Variants in RBFOX1 observed in about 807,000 individuals in gnomAD.
The protein encoded by RBFOX1 is RNA binding protein fox-1 homolog 1.
A neutral mutation model predicts 57.7 loss-of-function variants in RBFOX1; 8 were observed. That is an observed-to-expected ratio of 0.14 (90% CI 0.08 to 0.25). The LOEUF (loss-of-function observed/expected upper bound fraction) is 0.25, where lower values mean the gene tolerates loss of function less well. Among genes scored for constraint, RBFOX1 ranks in the 10% least tolerant of loss-of-function variants. RBFOX1 has a pLI of 1.00. For missense variants in RBFOX1, 611 were observed against 548.5 expected, an observed-to-expected ratio of 1.11 and a Z score of -1.14; for synonymous variants, 326 against 222.4, an observed-to-expected ratio of 1.47 and a Z score of -4.15.
In RBFOX1 at chr16:6,710,899, C is replaced by G. The variant is rs953471722; in HGVS notation, c.-16+56249C>G. On this transcript the variant is annotated intron_variant, in intron 3 of 15. Transcript: ENST00000550418. Reference sequence around the variant, plus strand: ...CATTTGTGCCAAGTGTCTGAGAAGACTCCTTCTAGAAGACAGGGAGGGGAT... The same window carrying G: ...CATTTGTGCCAAGTGTCTGAGAAGAGTCCTTCTAGAAGACAGGGAGGGGAT... Among the ~76,000 whole-genome samples, 6 of 152,176 alleles carry G rather than the reference C, an allele frequency of 3.9e-5. No individual in the cohort carries two copies. The South Asian group carries it at 6.2e-4, about 16-fold the overall frequency.
At chr16:5,868,336 G>T (rs1259303595) in intron 4 of RBFOX1, among the ~76,000 whole-genome samples, 1 of 152,178 alleles carries the variant, frequency 6.6e-6, no homozygotes, top group Non-Finnish European at 1.5e-5. Context: ...ACTGCTCAAT[G>T]AGGTCATCAC....
intron 4 of RBFOX1, among the ~76,000 whole-genome samples, chr16:7,396,109 G>A (rs1311393077): frequency 1.3e-5 from 2 of 152,042 alleles, no homozygotes; most frequent in Non-Finnish European, 2.9e-5. Context: ...TCAGGGGAGG[G>A]GATTGAGGGC....
intron 3 of RBFOX1, among the ~76,000 whole-genome samples, chr16:7,029,377 A>T (rs2042209128): frequency 6.6e-6 from 1 of 150,802 alleles, no homozygotes; most frequent in Non-Finnish European, 1.5e-5. Flanking sequence ...AAGAAAGCTG[A>T]TGCGTCACAC....
chr16:6,854,981 T>C (rs908353172), intron 3 of RBFOX1, among the ~76,000 whole-genome samples: 4 of 151,934 alleles, frequency 2.6e-5, no homozygotes, highest in Admixed American at 2.6e-4. Context: ...ATGCTTGGAC[T>C]AATCTTTGGT....
At chr16:6,663,765 G>C (rs77897635) in intron 3 of RBFOX1, among the ~76,000 whole-genome samples, 15 of 152,196 alleles carry the variant, frequency 9.9e-5, no homozygotes, top group African/African-American at 3.6e-4. Context: ...GAAAATTAGA[G>C]CATCCCTGAG....
chr16:6,184,357 G>A (rs909926115), intron 1 of RBFOX1, among the ~76,000 whole-genome samples: 7 of 152,150 alleles, frequency 4.6e-5, no homozygotes, highest in South Asian at 2.1e-4. Flanking sequence ...TGTGGGAAAG[G>A]ATGGAACCAG....
At chr16:7,533,082 A>C (rs1024876287) in intron 5 of RBFOX1, among the ~76,000 whole-genome samples, 3 of 152,174 alleles carry the variant, frequency 2.0e-5, no homozygotes, top group Admixed American at 1.3e-4. Flanking sequence ...CCCTCTGACT[A>C]TTTGTCATAG....
intron 1 of RBFOX1, among the ~76,000 whole-genome samples, chr16:5,401,762 T>TC (rs1361734945): frequency 1.3e-3 from 116 of 91,954 alleles, no homozygotes; most frequent in African/African-American, 2.0e-3. Flanking sequence ...TCTCCCTGTC[T>TC]CTCTCCTCCT....
chr16:5,365,700 C>G, intron 1 of RBFOX1: 1 of 359,062 alleles, frequency 2.8e-6, no homozygotes, highest in Non-Finnish European at 5.3e-6. Context: ...AAAGAGCTTT[C>G]CCTGGTGTGA....
At chr16:5,582,583 T>A (rs888395110) in intron 2 of RBFOX1, among the ~76,000 whole-genome samples, 1 of 149,306 alleles carries the variant, frequency 6.7e-6, no homozygotes, top group Non-Finnish European at 1.5e-5. Flanking sequence ...AAACGGAGTC[T>A]TTGTTGCCCA....
chr16:7,239,571 C>T (rs1298028646), intron 4 of RBFOX1, among the ~76,000 whole-genome samples: 1 of 152,106 alleles, frequency 6.6e-6, no homozygotes, highest in African/African-American at 2.4e-5. Context: ...CTGTCAAGAC[C>T]ATTTGCATGT....
At chr16:5,599,356 A>AATG (rs2047291584) in exon 3 of RBFOX1, 2 of 607,734 alleles carry the variant, frequency 3.3e-6, no homozygotes, top group Non-Finnish European at 5.8e-6. Flanking sequence ...TAAGGACAGG[A>AATG]ATGCTTACTG....
intron 3 of RBFOX1, among the ~76,000 whole-genome samples, chr16:6,719,196 G>C (rs1319776473): frequency 1.3e-5 from 2 of 151,986 alleles, no homozygotes; most frequent in African/African-American, 4.8e-5. Flanking sequence ...ATGCAAAAAT[G>C]CTATTGACTT....
At chr16:7,693,254 T>C (rs1598263544) in intron 14 of RBFOX1, 12 of 1,455,494 alleles carry the variant, frequency 8.2e-6, no homozygotes, top group Admixed American at 1.7e-5. Context: ...ATCGAAGCAA[T>C]TGGCAGAGAG....
At position 6,602,589 on chromosome 16, in the gene RBFOX1, C is replaced by T. The variant is rs139253770; in HGVS notation, c.-63-52014C>T. 2.6e-4 allele frequency among the ~76,000 whole-genome samples: 40 copies of T among 152,190 alleles called. No individual in the cohort carries two copies. The East Asian group carries it at 4.4e-3, about 17-fold the overall frequency. On this transcript the variant is annotated intron_variant, in intron 2 of 15. Coordinates refer to ENST00000550418, the MANE Select transcript of RBFOX1 (RefSeq NM_018723.4). ...TTGTGTGTGCTGCTGGGAGGCCAGG[C>T]GGGGACTCCTGGGAAAGCCTTCTCC...
Position 7,342,195 on chromosome 16 carries a change from A to C in RBFOX1, c.28-175952A>C, listed in dbSNP as rs9937538. ...CTTGGTAAGTTGCTTGACCTCTCTG[A>C]ACCTCCACTTCCTCATCTGTAAAAT... is the stretch of plus-strand genomic sequence containing the variant. On this transcript the variant is annotated intron_variant, in intron 4 of 15. Transcript: ENST00000550418. 4.5e-3 allele frequency among the ~76,000 whole-genome samples: 689 copies of C among 152,254 alleles called. 6 individuals carry two copies. The highest frequency in any genetic ancestry group is 0.016 in the African/African-American group (662 of 41,550).
At chr16:7,663,970 G>A (rs925281601) in intron 12 of RBFOX1, among the ~76,000 whole-genome samples, 4 of 152,154 alleles carry the variant, frequency 2.6e-5, no homozygotes, top group African/African-American at 4.8e-5. Context: ...CCTGTCCCCA[G>A]CCCTCTGAAG....
chr16:5,551,471 A>G (rs1319078574), intron 2 of RBFOX1, among the ~76,000 whole-genome samples: 2 of 152,180 alleles, frequency 1.3e-5, no homozygotes, highest in Non-Finnish European at 2.9e-5. Context: ...TGCTGCAGCC[A>G]GGGAGTTCCG....
chr16:6,896,366 A>G (rs2066912767), intron 3 of RBFOX1, among the ~76,000 whole-genome samples: 1 of 152,170 alleles, frequency 6.6e-6, no homozygotes, highest in Non-Finnish European at 1.5e-5. Context: ...TAATCAAATA[A>G]TATGTATGTC....
Sources: gnomAD v4.1 joint callset for allele counts (sites outside exome capture counted in the v4.1 genomes callset) on GRCh38, gnomAD v4.1.1 for gene constraint, MANE v1.5 for transcripts, NCBI Gene and HGNC (gene_info 2026-07-23, HGNC 2026-07-21) for gene names.